Variants in LPIN2 observed in about 807,000 individuals in gnomAD.
The protein encoded by LPIN2 is lipin 2, also known as phosphatidate phosphatase LPIN2.
LPIN2 carries 55 observed loss-of-function variants against 111.4 expected under a neutral mutation model. That is an observed-to-expected ratio of 0.49 (90% confidence interval 0.40 to 0.62). LPIN2 has a LOEUF of 0.62. Ranked by LOEUF, LPIN2 falls within the 20% of genes least tolerant of loss-of-function variation. The pLI, the probability that LPIN2 is intolerant of heterozygous loss-of-function variation, is 0.00. For missense variants in LPIN2, 992 were observed against 1,112.1 expected (o/e 0.89, Z 1.54); for synonymous variants, 425 against 414.0 (o/e 1.03, Z -0.32).
chr18:2,955,390 G>A (rs1180443655), intron 2 of LPIN2, among the ~76,000 whole-genome samples: 1 of 35,584 alleles, frequency 2.8e-5, no homozygotes, highest in African/African-American at 6.1e-5. Context: ...GAGACTGGGG[G>A]TGCCACACAA....
At position 2,993,827 on chromosome 18, in the gene LPIN2, A is replaced by G. The variant is rs181574023; in HGVS notation, c.-10+19260T>C. ...TTCTGAGAACCCAACTAAGCTTTGC[A>G]ATATACCCTCTTTACAGAAAACATG... On this transcript the variant is annotated intron_variant, in intron 1 of 19. Transcript: ENST00000677752. Among the ~76,000 whole-genome samples the G allele has an allele frequency of 6.9e-4, 105 of 152,312 alleles. 1 individual carries two copies. The highest frequency in any genetic ancestry group is 2.2e-3 in the African/African-American group (93 of 41,548).
chr18:2,931,224 AAATGAAG>A, intron 9 of LPIN2, 25 bp downstream of exon 9: 1 of 1,610,026 alleles, frequency 6.2e-7, no homozygotes. Flanking sequence ...TTGCTCTCTG[AAATGAAG>A]ATGGGGCACA....
intron 1 of LPIN2, among the ~76,000 whole-genome samples, chr18:2,997,963 T>C (rs1410826520): frequency 1.3e-5 from 2 of 152,256 alleles, no homozygotes; most frequent in African/African-American, 4.8e-5. Flanking sequence ...CAGAACATGG[T>C]GACCGTGAGG....
chr18:2,942,619 AG>A (rs1218848463), intron 4 of LPIN2, among the ~76,000 whole-genome samples: 3 of 152,262 alleles, frequency 2.0e-5, no homozygotes, highest in Admixed American at 6.5e-5. Context: ...TCACAGCCCC[AG>A]GAAGACAAGA....
At chr18:2,921,481 CATCCCTCTGA>C in intron 18 of LPIN2, 42 bp downstream of exon 18, 1 of 1,357,106 alleles carries the variant, frequency 7.4e-7, no homozygotes, top group Non-Finnish European at 1.1e-6. Context: ...CCACGAAGTA[CATCCCTCTGA>C]ATTTCACCCA....
At chr18:2,987,544 G>T (rs2143406162) in intron 1 of LPIN2, among the ~76,000 whole-genome samples, 1 of 151,984 alleles carries the variant, frequency 6.6e-6, no homozygotes, top group South Asian at 2.1e-4. Context: ...GTCCATCTTT[G>T]ACTCCAATTT....
intron 1 of LPIN2, among the ~76,000 whole-genome samples, chr18:2,985,859 T>C (rs1019409045): frequency 2.6e-5 from 4 of 152,202 alleles, no homozygotes; most frequent in African/African-American, 9.7e-5. Flanking sequence ...TGCTCCTGGA[T>C]TACCAATGAA....
In LPIN2 at chr18:2,921,995, C is replaced by T. The variant is rs371158943; in HGVS notation, c.2327+52G>A. On this transcript the variant is annotated intron_variant, in intron 17 of 19. Coordinates refer to ENST00000677752, the MANE Select transcript of LPIN2 (RefSeq NM_001375808.2). ...ACACATCCCCCCACCTTGGGCCCAG[C>T]CCCGCCCACATGCTGGGGCGGTGGG... 3,228 of 1,583,566 alleles carry T rather than the reference C, an allele frequency of 2.0e-3. 6 individuals are homozygous for T. The highest frequency in any genetic ancestry group is 2.4e-3 in the Non-Finnish European group (2,807 of 1,164,650).
chr18:2,932,765 C>T (rs2077229313), intron 8 of LPIN2, among the ~76,000 whole-genome samples: 1 of 152,226 alleles, frequency 6.6e-6, no homozygotes, highest in Non-Finnish European at 1.5e-5. Flanking sequence ...GATGCTCATT[C>T]CTTTCTCTGC....
In LPIN2 at chr18:2,929,120, C is replaced by A; in HGVS notation, c.1495G>T (p.Ala499Ser). 6.2e-7 allele frequency: 1 copy of A among 1,608,274 alleles called. No homozygotes were observed. The highest frequency in any genetic ancestry group is 8.5e-7 in the Non-Finnish European group (1 of 1,174,982). The stretch of plus-strand genomic sequence containing the variant: ...TTGTCTATAAGTCCAGGGTTTTCTG[C>A]AAATTCGTGATAAGTAATGATATGC... ...MEHIITYHEF[A>S]ENPGLIDNPN... Residue 499 changes from alanine (A) to serine (S), a missense_variant, in exon 10 of 20, where the codon GCA (alanine) becomes TCA (serine). By Grantham distance (99) the Ala-to-Ser change is moderately conservative. Transcript: ENST00000677752.
At chr18:2,990,939 G>T (rs1886989155) in intron 1 of LPIN2, 1 of 560,322 alleles carries the variant, frequency 1.8e-6, no homozygotes, top group Admixed American at 1.9e-5. Flanking sequence ...CTCCTCCTGG[G>T]ATGATGCCAG....
chr18:2,924,694 C>T (rs1267141065), intron 14 of LPIN2, 148 bp from the exon 15 acceptor site: 4 of 804,282 alleles, frequency 5.0e-6, no homozygotes, highest in Non-Finnish European at 8.2e-6. Flanking sequence ...CTGTGCCCAG[C>T]GCAGCTGACA....
chr18:2,986,439 C>A (rs1235275117), intron 1 of LPIN2, among the ~76,000 whole-genome samples: 1 of 131,780 alleles, frequency 7.6e-6, no homozygotes, highest in Non-Finnish European at 1.6e-5. Context: ...AGGTCAGACG[C>A]CCAGCTTAAA....
chr18:2,952,784 G>A (rs2077556370), intron 3 of LPIN2, among the ~76,000 whole-genome samples: 1 of 152,108 alleles, frequency 6.6e-6, no homozygotes, highest in African/African-American at 2.4e-5. Flanking sequence ...ATGTTTGTAG[G>A]ATGAAGATAA....
chr18:2,963,161 C>T (rs532671735), intron 1 of LPIN2, among the ~76,000 whole-genome samples: 35 of 152,292 alleles, frequency 2.3e-4, no homozygotes, highest in African/African-American at 8.4e-4. Flanking sequence ...AAAGGGAGGC[C>T]TGTAGCTTAA....
chr18:2,946,321 T>C (rs1386614466), intron 4 of LPIN2: 1 of 1,510,982 alleles, frequency 6.6e-7, no homozygotes, highest in Non-Finnish European at 9.2e-7. Flanking sequence ...CAGGTTTGAC[T>C]GGCTCAGGTG....
intron 1 of LPIN2, among the ~76,000 whole-genome samples, chr18:2,997,223 C>T (rs1185208791): frequency 6.6e-6 from 1 of 152,308 alleles, no homozygotes; most frequent in East Asian, 1.9e-4. Context: ...CTCAGGTGAT[C>T]CGCCGGCCTT....
At chr18:2,975,364 T>A (rs538627962) in intron 1 of LPIN2, among the ~76,000 whole-genome samples, 6 of 152,338 alleles carry the variant, frequency 3.9e-5, no homozygotes, top group African/African-American at 1.4e-4. Flanking sequence ...GATGGAGTTT[T>A]ACTCTTGCTG....
intron 1 of LPIN2, among the ~76,000 whole-genome samples, chr18:2,999,725 G>A (rs1307445304): frequency 3.9e-5 from 6 of 152,090 alleles, no homozygotes; most frequent in African/African-American, 1.4e-4. Flanking sequence ...AACGCCAAAG[G>A]CTGCCAGCAA....
Sources: gnomAD v4.1 joint callset for allele counts (sites outside exome capture counted in the v4.1 genomes callset) on GRCh38, gnomAD v4.1.1 for gene constraint, MANE v1.5 for transcripts, NCBI Gene and HGNC (gene_info 2026-07-23, HGNC 2026-07-21) for gene names.